Variants in CSNK1G1 observed in about 807,000 individuals in gnomAD.
The protein encoded by CSNK1G1 is casein kinase I isoform gamma-1.
A neutral mutation model predicts 59.6 loss-of-function variants in CSNK1G1; 22 were observed. That is an observed-to-expected ratio of 0.37 (90% CI 0.26 to 0.53). The LOEUF (loss-of-function observed/expected upper bound fraction) is 0.53. Ranked by LOEUF, CSNK1G1 falls within the 20% of genes least tolerant of loss-of-function variation. The probability of loss-of-function intolerance (pLI) is 0.89; values close to 1 mark genes in which losing one functional copy is unlikely to be tolerated. For synonymous variants in CSNK1G1, 179 were observed against 177.1 expected, an observed-to-expected ratio of 1.01 and a Z score of -0.08; for missense variants, 384 against 519.5, an observed-to-expected ratio of 0.74 and a Z score of 2.54.
chr15:64,350,929 G>T (rs1433321495), intron 1 of CSNK1G1, among the ~76,000 whole-genome samples: 9 of 150,204 alleles, frequency 6.0e-5, no homozygotes, highest in African/African-American at 2.2e-4. Flanking sequence ...TTTCCTCCCA[G>T]CTTCTCAGAG....
chr15:64,187,265 C>A (rs1003605081), intron 10 of CSNK1G1, among the ~76,000 whole-genome samples: 2 of 152,084 alleles, frequency 1.3e-5, no homozygotes, highest in Admixed American at 1.3e-4. Flanking sequence ...GATCTCGGCT[C>A]ACTGCAACTT....
At position 64,338,927 on chromosome 15, in the gene CSNK1G1, G is replaced by C. The variant is rs532229236; in HGVS notation, c.-225+17061C>G. Among the ~76,000 whole-genome samples, 8 of 151,802 alleles carry C rather than the reference G, an allele frequency of 5.3e-5. 1 individual carries two copies. Among genetic ancestry groups the C allele is most frequent in the African/African-American group, 1.7e-4 (7 of 41,368 alleles). On this transcript the variant is annotated intron_variant, in intron 1 of 11. Coordinates refer to ENST00000303052, the MANE Select transcript of CSNK1G1 (RefSeq NM_022048.5). The stretch of plus-strand genomic sequence containing the variant: ...AGCTACTTGAGAGGCTGAGGCAGAA[G>C]AATGGCTTGGACCCAGGAGGTGGAG...
At chr15:64,202,151 C>G (rs2082117242) in intron 10 of CSNK1G1, among the ~76,000 whole-genome samples, 1 of 152,182 alleles carries the variant, frequency 6.6e-6, no homozygotes, top group Non-Finnish European at 1.5e-5. Context: ...GATGACATCG[C>G]CTAAGCTGAG....
intron 1 of CSNK1G1, among the ~76,000 whole-genome samples, chr15:64,313,659 T>G (rs928998832): frequency 6.6e-5 from 10 of 151,688 alleles, no homozygotes; most frequent in Admixed American, 5.9e-4. Context: ...AGGTGATGGG[T>G]TGATGGGTGC....
In CSNK1G1 at chr15:64,176,776, T is replaced by C. The variant is rs1331218471; in HGVS notation, c.1214+3572A>G. Among the ~76,000 whole-genome samples, 1 of 152,216 alleles carries C rather than the reference T, an allele frequency of 6.6e-6. No homozygotes were observed. Among genetic ancestry groups the C allele is most frequent in the Non-Finnish European group, 1.5e-5 (1 of 68,034 alleles). ...GTCCAACATGCCTGATCAAAGCAGCTAGCAGTTAGCTCTTCCTCTAGAGAG... is the reference window on the plus strand; with the variant it reads ...GTCCAACATGCCTGATCAAAGCAGCCAGCAGTTAGCTCTTCCTCTAGAGAG... On this transcript the variant is annotated intron_variant, in intron 11 of 11. Coordinates refer to ENST00000303052, the MANE Select transcript of CSNK1G1 (RefSeq NM_022048.5). This position sits in a 1 kb window ranked among gnomAD's most constrained non-coding sequence, Gnocchi z 5.2.
At position 64,190,889 on chromosome 15, in the gene CSNK1G1, T is replaced by C. The variant is rs576757610; in HGVS notation, c.1108-10435A>G. On this transcript the variant is annotated intron_variant, in intron 10 of 11. Transcript: ENST00000303052. ...CTAGAACTTTTTATTTTTTGTAATATTGAAATATAATATTTAAGCTCTTAA... is the reference window on the plus strand; with the variant it reads ...CTAGAACTTTTTATTTTTTGTAATACTGAAATATAATATTTAAGCTCTTAA... Among the ~76,000 whole-genome samples, 15 of 152,296 alleles carry C rather than the reference T, an allele frequency of 9.8e-5. No homozygotes were observed. In the South Asian group the frequency reaches 1.7e-3, roughly 17 times the overall value.
At position 64,171,246 on chromosome 15, in the gene CSNK1G1, A is replaced by C. The variant is rs564404102; in HGVS notation, c.*685T>G. 1 of 152,790 alleles carries C rather than the reference A, an allele frequency of 6.5e-6. No individual in the cohort carries two copies. The highest frequency in any genetic ancestry group is 2.1e-4 in the South Asian group (1 of 4,828). 9.5% of individuals were successfully genotyped at this position (152,790 alleles called of 1,614,324 possible). On this transcript the variant is annotated 3_prime_UTR_variant, in exon 12 of 12. Coordinates refer to ENST00000303052, the MANE Select transcript of CSNK1G1 (RefSeq NM_022048.5). This position sits in a 1 kb window ranked among gnomAD's most constrained non-coding sequence, Gnocchi z 4.8. Reference sequence around the variant, plus strand: ...TTTCATTGTCCTACTACCTGGAGAAAAGAGTTTGTCAAAAAAGCTAAGAAC... The same window carrying C: ...TTTCATTGTCCTACTACCTGGAGAACAGAGTTTGTCAAAAAAGCTAAGAAC...
intron 2 of CSNK1G1, among the ~76,000 whole-genome samples, chr15:64,264,595 C>T (rs1892881072): frequency 6.6e-6 from 1 of 152,182 alleles, no homozygotes; most frequent in South Asian, 2.1e-4. Context: ...GCCAATATCC[C>T]TGATGAAAAC....
intron 7 of CSNK1G1, among the ~76,000 whole-genome samples, chr15:64,206,035 G>A (rs929377804): frequency 6.6e-6 from 1 of 152,168 alleles, no homozygotes; most frequent in African/African-American, 2.4e-5. Context: ...GGCCAGGCGC[G>A]ATGGCTCATG....
intron 2 of CSNK1G1, among the ~76,000 whole-genome samples, chr15:64,261,135 G>T (rs1892665267): frequency 6.6e-6 from 1 of 152,080 alleles, no homozygotes; most frequent in East Asian, 1.9e-4. Flanking sequence ...TTATAAAAAG[G>T]ATAGTAATAA....
Position 64,203,694 on chromosome 15 carries a change from T to TAAAAAAAAAA in CSNK1G1, c.1000-515_1000-506dup, listed in dbSNP as rs531367701. On this transcript the variant is annotated intron_variant, in intron 9 of 11. Coordinates refer to ENST00000303052, the MANE Select transcript of CSNK1G1 (RefSeq NM_022048.5). Reference sequence around the variant, plus strand: ...CCTGGGCAACAAGAGTGAAACTCCGTAAAAAAAAAAAAAAAAAAAAAAAAA... The same window carrying TAAAAAAAAAA: ...CCTGGGCAACAAGAGTGAAACTCCGTAAAAAAAAAAAAAAAAAAAAAAAAAAAAAAAAAAA... Among the ~76,000 whole-genome samples, 143 of 56,172 alleles carry TAAAAAAAAAA rather than the reference T, an allele frequency of 2.5e-3. 6 individuals carry two copies. Among genetic ancestry groups the TAAAAAAAAAA allele is most frequent in the African/African-American group, 0.011 (140 of 12,948 alleles). The allele number at this position is 56,172 out of a possible 152,430, so 36.9% of individuals were successfully genotyped here. A position where few individuals can be genotyped will look rare whatever the true frequency, so the allele number is the denominator to read the frequency against.
At chr15:64,260,993 T>C (rs1892659031) in intron 2 of CSNK1G1, among the ~76,000 whole-genome samples, 1 of 152,178 alleles carries the variant, frequency 6.6e-6, no homozygotes. Flanking sequence ...AATAACTTCT[T>C]TTTTAGGGGA....
At chr15:64,228,526 C>T (rs935759859) in intron 4 of CSNK1G1, among the ~76,000 whole-genome samples, 7 of 152,268 alleles carry the variant, frequency 4.6e-5, no homozygotes, top group East Asian at 1.9e-4. Flanking sequence ...TTCCCAGCTA[C>T]TGGGGAGGCT....
chr15:64,323,500 C>T (rs187048706), intron 1 of CSNK1G1, among the ~76,000 whole-genome samples: 7 of 151,898 alleles, frequency 4.6e-5, no homozygotes, highest in South Asian at 4.2e-4. Flanking sequence ...CTAGTAGCTG[C>T]GATTACAGGC....
chr15:64,304,754 A>C (rs1009982891), intron 1 of CSNK1G1, among the ~76,000 whole-genome samples: 2 of 152,330 alleles, frequency 1.3e-5, no homozygotes, highest in Admixed American at 1.3e-4. Context: ...CAAAGTCAAA[A>C]CACCCTGGGT....
At chr15:64,305,718 A>C (rs559642101) in intron 1 of CSNK1G1, among the ~76,000 whole-genome samples, 1,635 of 150,430 alleles carry the variant, frequency 0.011, 25 homozygotes, top group African/African-American at 0.039. Context: ...ACAAAAACAA[A>C]AACAAAAAAA....
At chr15:64,293,412 T>C (rs1894847329) in intron 2 of CSNK1G1, among the ~76,000 whole-genome samples, 1 of 152,212 alleles carries the variant, frequency 6.6e-6, no homozygotes, top group East Asian at 1.9e-4. Flanking sequence ...TTTTCCCCTA[T>C]CAGACTGTCA....
chr15:64,192,388 T>C (rs915667312), intron 10 of CSNK1G1, among the ~76,000 whole-genome samples: 9 of 152,240 alleles, frequency 5.9e-5, no homozygotes, highest in Middle Eastern at 3.2e-3. Context: ...ATGGAAATGA[T>C]TGGTTTACTA....
At chr15:64,280,578 T>G (rs1460346389) in intron 2 of CSNK1G1, among the ~76,000 whole-genome samples, 1 of 152,064 alleles carries the variant, frequency 6.6e-6, no homozygotes, top group Non-Finnish European at 1.5e-5. Flanking sequence ...GCCAGGATGG[T>G]CTCAATCTCC....
Sources: gnomAD v4.1 joint callset for allele counts (sites outside exome capture counted in the v4.1 genomes callset) on GRCh38, gnomAD v4.1.1 for gene constraint, Gnocchi (gnomAD v3.1) non-coding constraint, MANE v1.5 for transcripts, NCBI Gene and HGNC (gene_info 2026-07-23, HGNC 2026-07-21) for gene names.